The following DISC1 variants were observed in gnomAD, a reference collection of about 807,000 sequenced individuals.
The protein encoded by DISC1 is disrupted in schizophrenia 1 protein.
A neutral mutation model predicts 84.5 loss-of-function variants in DISC1; 57 were observed. That is an observed-to-expected ratio of 0.67 (90% confidence interval 0.55 to 0.84). The LOEUF (loss-of-function observed/expected upper bound fraction) is 0.84. Ranked by LOEUF, DISC1 falls within the 40% of genes least tolerant of loss-of-function variation. DISC1 has a pLI of 0.00. For missense variants in DISC1, 1,000 were observed against 1,057.8 expected (o/e 0.95, Z 0.76); for synonymous variants, 411 against 415.2 (o/e 0.99, Z 0.12).
At chr1:231,800,530 G>C (rs1326297724) in intron 8 of DISC1, among the ~76,000 whole-genome samples, 2 of 152,094 alleles carry the variant, frequency 1.3e-5, no homozygotes, top group Non-Finnish European at 2.9e-5. Context: ...GGTGTGATCA[G>C]ACCCTTTCTA....
At chr1:231,900,582 C>A (rs1034580332) in intron 9 of DISC1, among the ~76,000 whole-genome samples, 2 of 152,072 alleles carry the variant, frequency 1.3e-5, no homozygotes, top group Non-Finnish European at 2.9e-5. Context: ...CCGTTATATT[C>A]GGTATAAGGC....
At chr1:231,642,715 A>C (rs1200596445) in intron 1 of DISC1, among the ~76,000 whole-genome samples, 4 of 151,950 alleles carry the variant, frequency 2.6e-5, no homozygotes, top group Non-Finnish European at 5.9e-5. Context: ...CATTGTGTGG[A>C]TTTTGGTGTT....
intron 1 of DISC1, among the ~76,000 whole-genome samples, chr1:231,631,714 CTG>C (rs1558199482): frequency 1.3e-5 from 2 of 151,116 alleles, no homozygotes; most frequent in African/African-American, 4.9e-5. Flanking sequence ...GTGTTTTAAG[CTG>C]TGTTTTTATA....
At chr1:231,934,492 T>C (rs2090864586) in intron 9 of DISC1, among the ~76,000 whole-genome samples, 1 of 152,214 alleles carries the variant, frequency 6.6e-6, no homozygotes, top group South Asian at 2.1e-4. Context: ...ATAGCACAGA[T>C]AAGTGAAGAA....
chr1:231,935,111 A>C (rs913762982), intron 9 of DISC1, among the ~76,000 whole-genome samples: 1 of 152,212 alleles, frequency 6.6e-6, no homozygotes, highest in African/African-American at 2.4e-5. Context: ...AGGATGATAC[A>C]GTCTGCTCTC....
At chr1:231,787,918 A>G (rs1035828169) in intron 6 of DISC1, among the ~76,000 whole-genome samples, 1 of 152,146 alleles carries the variant, frequency 6.6e-6, no homozygotes, top group African/African-American at 2.4e-5. Flanking sequence ...GCCAGCCTGT[A>G]TTAGTTTGCT....
In DISC1 at chr1:232,038,220, T is replaced by C. The variant is rs762882603; in HGVS notation, c.*1389T>C. 3 of 151,792 alleles carry C rather than the reference T, an allele frequency of 2.0e-5. No individual in the cohort carries two copies. The highest frequency in any genetic ancestry group is 4.4e-5 in the Non-Finnish European group (3 of 67,910). 9.4% of individuals were successfully genotyped at this position (151,792 alleles called of 1,614,324 possible). ...CAGTACTATAAGTACTGAGTACTTA[T>C]ATAGGCAATGTAGTACTCAGTAAAT... On this transcript the variant is annotated 3_prime_UTR_variant, in exon 13 of 13. Transcript: ENST00000439617.
intron 9 of DISC1, among the ~76,000 whole-genome samples, chr1:231,842,835 T>C (rs978441183): frequency 2.0e-5 from 3 of 152,060 alleles, no homozygotes. Flanking sequence ...AAGAAAAAAA[T>C]ATATAGGATT....
intron 11 of DISC1, 25 bp from the exon 12 acceptor site, chr1:232,026,410 G>T (rs777751438): frequency 6.7e-7 from 1 of 1,493,418 alleles, no homozygotes; most frequent in Admixed American, 1.9e-5. Flanking sequence ...ACTAACAAGT[G>T]ATCTTGTTTT....
At chr1:231,732,676 A>G (rs2071679131) in intron 3 of DISC1, among the ~76,000 whole-genome samples, 1 of 152,152 alleles carries the variant, frequency 6.6e-6, no homozygotes, top group African/African-American at 2.4e-5. Context: ...TATTATGGCT[A>G]CTTGGATATG....
Position 232,031,434 on chromosome 1 carries a change from A to G in DISC1, c.2425+4882A>G, listed in dbSNP as rs944817960. On this transcript the variant is annotated intron_variant, in intron 12 of 12. Transcript: ENST00000439617. The surrounding 1 kb of genome is among the most constrained non-coding windows in gnomAD (Gnocchi z 4.6). Reference sequence around the variant, plus strand: ...AGGGAGAAGAGACAAGGGAAAGGAGAAGGGAAAAGGGAAAGGAGAAGGGAA... The same window carrying G: ...AGGGAGAAGAGACAAGGGAAAGGAGGAGGGAAAAGGGAAAGGAGAAGGGAA... Among the ~76,000 whole-genome samples the G allele has an allele frequency of 1.3e-5, 2 of 149,830 alleles. No homozygotes were observed. Among genetic ancestry groups the G allele is most frequent in the Non-Finnish European group, 3.0e-5 (2 of 67,332 alleles).
At chr1:231,968,365 A>T (rs1661388516) in intron 10 of DISC1, among the ~76,000 whole-genome samples, 1 of 151,954 alleles carries the variant, frequency 6.6e-6, no homozygotes, top group Non-Finnish European at 1.5e-5. Context: ...CATCTGGACC[A>T]CAACATGGGA....
chr1:231,884,568 A>C (rs949191512), intron 9 of DISC1, among the ~76,000 whole-genome samples: 1 of 152,152 alleles, frequency 6.6e-6, no homozygotes, highest in African/African-American at 2.4e-5. Flanking sequence ...ATACGCGTGC[A>C]TGTGACTTTA....
At chr1:231,875,422 G>A (rs2085808245) in intron 9 of DISC1, among the ~76,000 whole-genome samples, 1 of 152,162 alleles carries the variant, frequency 6.6e-6, no homozygotes, top group South Asian at 2.1e-4. Context: ...TGGGCGCTCT[G>A]GCAATGTCTG....
intron 4 of DISC1, among the ~76,000 whole-genome samples, chr1:231,762,215 CTTCTTTTCTTTTCTTTTCTTTTCTT>C (rs71179792): frequency 0.16 from 12,851 of 80,110 alleles, 629 homozygotes; most frequent in East Asian, 0.26. Context: ...TTTCTTTTCT[CTTCTTTTCTTTTCTTTTCTTTTCTT>C]TTCTTTTCTT....
chr1:231,717,253 G>A (rs1279536207), intron 3 of DISC1, among the ~76,000 whole-genome samples: 1 of 152,134 alleles, frequency 6.6e-6, no homozygotes, highest in East Asian at 1.9e-4. Context: ...AAACCTTTAT[G>A]GTATATAAAT....
At chr1:231,779,837 G>A (rs1309797396) in intron 6 of DISC1, among the ~76,000 whole-genome samples, 1 of 152,032 alleles carries the variant, frequency 6.6e-6, no homozygotes, top group Admixed American at 6.5e-5. Flanking sequence ...GGGATTACAA[G>A]CGTGAGCCAC....
chr1:231,723,551 A>G (rs1276673967), intron 3 of DISC1: 2 of 985,374 alleles, frequency 2.0e-6, no homozygotes, highest in Non-Finnish European at 1.2e-6. Context: ...CATGTCTGTT[A>G]TATCAGACTT....
chr1:231,913,500 G>A (rs375997201), intron 9 of DISC1, among the ~76,000 whole-genome samples: 1 of 152,168 alleles, frequency 6.6e-6, no homozygotes, highest in Non-Finnish European at 1.5e-5. Flanking sequence ...GGATAAGGGT[G>A]AGGCAGCCGA....
Sources: gnomAD v4.1 joint callset for allele counts (sites outside exome capture counted in the v4.1 genomes callset) on GRCh38, gnomAD v4.1.1 for gene constraint, Gnocchi (gnomAD v3.1) non-coding constraint, MANE v1.5 for transcripts, NCBI Gene and HGNC (gene_info 2026-07-23, HGNC 2026-07-21) for gene names.